The following RPGRIP1 variants were observed in gnomAD, a reference collection of about 807,000 sequenced individuals.
RPGRIP1 encodes the protein X-linked retinitis pigmentosa GTPase regulator-interacting protein 1.
In RPGRIP1, 128 loss-of-function variants were observed where a neutral mutation model predicts 157.9. The observed-to-expected ratio is 0.81, with a 90% CI of 0.70 to 0.94. The LOEUF is 0.94. RPGRIP1 is among the 40% of genes least tolerant of loss of function. The probability of loss-of-function intolerance (pLI) is 0.00; values close to 1 mark genes in which losing one functional copy is unlikely to be tolerated. For synonymous variants in RPGRIP1, 554 were observed against 571.6 expected, an observed-to-expected ratio of 0.97 and a Z score of 0.44; for missense variants, 1,486 against 1,545.8, an observed-to-expected ratio of 0.96 and a Z score of 0.65.
At chr14:21,313,408 TAAAC>T (rs1455537202) in intron 10 of RPGRIP1, among the ~76,000 whole-genome samples, 2 of 146,162 alleles carry the variant, frequency 1.4e-5, no homozygotes, top group African/African-American at 2.5e-5. Context: ...CAAAAACAAA[TAAAC>T]AAATAAAAAG....
chr14:21,349,562 C>G (rs1030266770), intron 24 of RPGRIP1, among the ~76,000 whole-genome samples: 14 of 151,774 alleles, frequency 9.2e-5, no homozygotes, highest in African/African-American at 3.4e-4. Context: ...ACCACCACGC[C>G]CAGCTAATTT....
intron 1 of RPGRIP1, among the ~76,000 whole-genome samples, chr14:21,281,735 A>AATC (rs1555363839): frequency 2.7e-5 from 4 of 147,602 alleles, no homozygotes; most frequent in East Asian, 3.9e-4. Context: ...TAATAATAAT[A>AATC]ATCAGAGTAA....
chr14:21,310,338 A>G (rs1239652349), intron 7 of RPGRIP1, among the ~76,000 whole-genome samples: 2 of 152,200 alleles, frequency 1.3e-5, no homozygotes, highest in African/African-American at 2.4e-5. Context: ...TCCACCAAGT[A>G]CAATGCAAAT....
chr14:21,282,528 G>A (rs181870423), intron 1 of RPGRIP1, among the ~76,000 whole-genome samples: 2 of 151,222 alleles, frequency 1.3e-5, no homozygotes, highest in African/African-American at 4.9e-5. Flanking sequence ...GAGCCACCAC[G>A]CCGGGTGGAA....
intron 1 of RPGRIP1, among the ~76,000 whole-genome samples, chr14:21,282,291 C>T (rs1010422121): frequency 6.6e-6 from 1 of 151,998 alleles, no homozygotes; most frequent in Non-Finnish European, 1.5e-5. Context: ...GGCTGGAGTG[C>T]AGTGGCGTGA....
intron 21 of RPGRIP1, among the ~76,000 whole-genome samples, chr14:21,338,929 A>C (rs1281323249): frequency 6.6e-6 from 1 of 151,880 alleles, no homozygotes; most frequent in South Asian, 2.1e-4. Context: ...ACCTGAGGTC[A>C]GGAGTTCGAG....
intron 17 of RPGRIP1, among the ~76,000 whole-genome samples, chr14:21,326,678 T>A (rs950376886): frequency 6.6e-6 from 1 of 152,062 alleles, no homozygotes; most frequent in Non-Finnish European, 1.5e-5. Context: ...CTGAACAAAC[T>A]TTTTCAAGCT....
chr14:21,289,756 A>T (rs900599485), intron 2 of RPGRIP1, among the ~76,000 whole-genome samples: 1 of 152,128 alleles, frequency 6.6e-6, no homozygotes, highest in African/African-American at 2.4e-5. Flanking sequence ...TAATCCCAGC[A>T]CCTTGGGAGG....
In RPGRIP1 at chr14:21,322,027, C is replaced by T; in HGVS notation, c.1762+23C>T. 1.9e-6 allele frequency: 3 copies of T among 1,601,970 alleles called. No homozygotes were observed. The East Asian group carries it at 6.7e-5, about 36-fold the overall frequency. ...CTGGCAAGTCTTAGTCCTTTGTTCTCCTCACTTCGGGACCCTTCCACAGCT... is the reference window on the plus strand; with the variant it reads ...CTGGCAAGTCTTAGTCCTTTGTTCTTCTCACTTCGGGACCCTTCCACAGCT... On this transcript the variant is annotated intron_variant, in intron 14 of 24. Coordinates refer to ENST00000400017, the MANE Select transcript of RPGRIP1 (RefSeq NM_020366.4).
chr14:21,343,081 C>T lies in RPGRIP1; in HGVS notation c.3385C>T (p.Pro1129Ser). 1 of 1,613,230 alleles carries T rather than the reference C, an allele frequency of 6.2e-7. No homozygotes were observed. The highest frequency in any genetic ancestry group is 8.5e-7 in the Non-Finnish European group (1 of 1,179,442). Residue 1129 changes from proline (P) to serine (S), a missense_variant, in exon 22 of 25, where the codon CCA (proline) becomes TCA (serine). Coordinates refer to ENST00000400017, the MANE Select transcript of RPGRIP1 (RefSeq NM_020366.4). ...CIEIVSLAFY[P>S]EAEVMSDENI... ...TGAAATTGTCTCCCTGGCCTTCTACCCAGAGGCAGAAGTGATGTCTGATGA... is the reference window on the plus strand; with the variant it reads ...TGAAATTGTCTCCCTGGCCTTCTACTCAGAGGCAGAAGTGATGTCTGATGA...
chr14:21,289,369 A>G (rs1473407984), intron 2 of RPGRIP1, among the ~76,000 whole-genome samples: 2 of 152,034 alleles, frequency 1.3e-5, no homozygotes, highest in East Asian at 1.9e-4. Context: ...AACTTTGGCC[A>G]GGCTTGGTGG....
intron 1 of RPGRIP1, 55 bp from the exon 2 acceptor site, chr14:21,287,881 CGTT>C: frequency 1.3e-6 from 1 of 747,010 alleles, no homozygotes; most frequent in Non-Finnish European, 2.3e-6. Flanking sequence ...CTTATGTACA[CGTT>C]TCAGAAGACA....
chr14:21,294,195 G>A (rs778874599), intron 2 of RPGRIP1, among the ~76,000 whole-genome samples: 6 of 151,524 alleles, frequency 4.0e-5, no homozygotes, highest in African/African-American at 1.5e-4. Flanking sequence ...AATATAGAAA[G>A]GGTCTCCAGG....
chr14:21,340,990 G>A lies in RPGRIP1; in HGVS notation c.3340-2046G>A, dbSNP rs1388488402. Reference sequence around the variant, plus strand: ...TCAATAGTTTTCTTGATGTTTGGGAGAGTTGGATGTTATGGGAGGGTTATT... The same window carrying A: ...TCAATAGTTTTCTTGATGTTTGGGAAAGTTGGATGTTATGGGAGGGTTATT... On this transcript the variant is annotated intron_variant, in intron 21 of 24. Transcript: ENST00000400017. Among the ~76,000 whole-genome samples the A allele has an allele frequency of 3.3e-5, 5 of 152,276 alleles. No individual in the cohort carries two copies. The East Asian group carries it at 7.7e-4, about 23-fold the overall frequency.
intron 21 of RPGRIP1, among the ~76,000 whole-genome samples, chr14:21,339,051 G>A (rs1038725570): frequency 2.6e-5 from 4 of 152,266 alleles, no homozygotes; most frequent in African/African-American, 4.8e-5. Context: ...CAGGAGAATC[G>A]CTTGAGCCCA....
chr14:21,346,314 C>T lies in RPGRIP1; in HGVS notation c.3617+1117C>T, dbSNP rs2139356798. Among the ~76,000 whole-genome samples the T allele has an allele frequency of 2.0e-5, 3 of 152,232 alleles. No homozygotes were observed. The South Asian group carries it at 6.2e-4, about 32-fold the overall frequency. ...TCTGTAATCCCAGCACTTTGGGAGG[C>T]TGAGGCGGGCAGATCACTTGAGGCC... On this transcript the variant is annotated intron_variant, in intron 23 of 24. Coordinates refer to ENST00000400017, the MANE Select transcript of RPGRIP1 (RefSeq NM_020366.4).
intron 1 of RPGRIP1, among the ~76,000 whole-genome samples, chr14:21,281,688 C>CAAAAAAAAAA (rs1282350183): frequency 6.3e-5 from 5 of 79,240 alleles, no homozygotes; most frequent in African/African-American, 2.7e-4. Flanking sequence ...GACCTTGTCT[C>CAAAAAAAAAA]AAAAAAAAAA....
At chr14:21,304,806 CTT>C (rs879415682) in intron 6 of RPGRIP1, among the ~76,000 whole-genome samples, 7 of 143,918 alleles carry the variant, frequency 4.9e-5, no homozygotes, top group Admixed American at 1.4e-4. Context: ...GTTGTACATT[CTT>C]TTTTTTTTTT....
Position 21,321,319 on chromosome 14 carries a change from G to A in RPGRIP1, c.1528G>A (p.Val510Ile), listed in dbSNP as rs772522272. The change falls in exon 13 of 25, where the codon GTA (valine) becomes ATA (isoleucine). Residue 510 changes from valine (V) to isoleucine (I), a missense_variant. Transcript: ENST00000400017. ...GTCCCAGGTGCTAAATGAGTTGCAA[G>A]TATCACACGCAGAGACCACATTGGA... ...KLSQVLNELQ[V>I]SHAETTLELE... 2 of 1,614,010 alleles carry A rather than the reference G, an allele frequency of 1.2e-6. No individual in the cohort carries two copies.
Sources: allele counts gnomAD v4.1 joint callset (sites outside exome capture counted in the v4.1 genomes callset), GRCh38; gene constraint gnomAD v4.1.1; transcripts MANE v1.5; gene names NCBI Gene and HGNC (gene_info 2026-07-23, HGNC 2026-07-21).